The following BMPR1B variants were observed in gnomAD, a reference collection of about 807,000 sequenced individuals.
BMPR1B encodes the protein bone morphogenetic protein receptor type-1B.
Under a neutral mutation model 59.1 loss-of-function variants are expected in BMPR1B, and 12 were observed. The observed-to-expected ratio is 0.20, with a 90% confidence interval of 0.13 to 0.33. The LOEUF (loss-of-function observed/expected upper bound fraction) is 0.33. BMPR1B is among the 10% of genes least tolerant of loss of function. The pLI is 1.00. For synonymous variants in BMPR1B, 237 were observed against 207.3 expected (o/e 1.14, Z -1.23); for missense variants, 550 against 610.9 (o/e 0.90, Z 1.05).
chr4:94,875,328 T>C (rs1417736419), intron 1 of BMPR1B, among the ~76,000 whole-genome samples: 1 of 152,200 alleles, frequency 6.6e-6, no homozygotes, highest in African/African-American at 2.4e-5. Flanking sequence ...TTTAACAGTT[T>C]GAACTGGTTC....
chr4:94,890,766 CTCT>C (rs1727361971), intron 2 of BMPR1B, among the ~76,000 whole-genome samples: 1 of 151,934 alleles, frequency 6.6e-6, no homozygotes, highest in Admixed American at 6.6e-5. Context: ...TCTCTGGTGG[CTCT>C]TCTTGTAAGG....
At chr4:94,880,308 A>G (rs548706400) in intron 2 of BMPR1B, among the ~76,000 whole-genome samples, 4 of 152,210 alleles carry the variant, frequency 2.6e-5, no homozygotes, top group African/African-American at 7.2e-5. Context: ...TTAAAATGAT[A>G]TATTTTTATT....
intron 3 of BMPR1B, among the ~76,000 whole-genome samples, chr4:95,004,613 C>A (rs886648922): frequency 6.6e-6 from 1 of 152,058 alleles, no homozygotes; most frequent in East Asian, 1.9e-4. Context: ...TGAATATTTG[C>A]TTTTTCTCCA....
intron 1 of BMPR1B, among the ~76,000 whole-genome samples, chr4:94,778,861 C>A (rs943973726): frequency 6.6e-6 from 1 of 151,674 alleles, no homozygotes; most frequent in Non-Finnish European, 1.5e-5. Context: ...TTGCTGATTT[C>A]GTATTAGATT....
rs112253431 is a variant in BMPR1B at position 94,882,978 on chromosome 4, A to ATGTGTGTG, written c.-113+7100_-113+7107dup. On this transcript the variant is annotated intron_variant, in intron 2 of 12. Coordinates refer to ENST00000515059, the MANE Select transcript of BMPR1B (RefSeq NM_001203.3). ...CCTGTGTGTGTGTGCGTGTGTGTGT[A>ATGTGTGTG]TGTGTGTGTGTGTGTGTGTGTGTGT... 1.4e-3 allele frequency among the ~76,000 whole-genome samples: 201 copies of ATGTGTGTG among 144,558 alleles called. 1 individual carries two copies. The highest frequency in any genetic ancestry group is 3.2e-3 in the African/African-American group (123 of 37,912). 94.8% of individuals were successfully genotyped at this position (144,558 alleles called of 152,430 possible).
intron 3 of BMPR1B, among the ~76,000 whole-genome samples, chr4:95,058,053 A>G (rs1177952493): frequency 6.6e-6 from 1 of 152,210 alleles, no homozygotes; most frequent in African/African-American, 2.4e-5. Flanking sequence ...TGAAACAAGT[A>G]GTGTAGTGAC....
At chr4:95,046,049 T>A (rs192586181) in intron 3 of BMPR1B, among the ~76,000 whole-genome samples, 33 of 152,262 alleles carry the variant, frequency 2.2e-4, no homozygotes, top group Non-Finnish European at 2.4e-4. Context: ...TTGATTTGAA[T>A]AAATATTTAG....
At chr4:94,969,357 T>TC (rs1730686105) in intron 2 of BMPR1B, among the ~76,000 whole-genome samples, 3 of 152,086 alleles carry the variant, frequency 2.0e-5, no homozygotes, top group Non-Finnish European at 4.4e-5. Context: ...TTCTAAATGG[T>TC]CCGCTGCTTT....
intron 3 of BMPR1B, among the ~76,000 whole-genome samples, chr4:95,073,283 G>T (rs1220336486): frequency 6.6e-6 from 1 of 152,222 alleles, no homozygotes; most frequent in East Asian, 1.9e-4. Flanking sequence ...GCATCTCCCC[G>T]GTTTTGGCAA....
rs371134057 is a variant in BMPR1B, at chr4:94,968,925, A to G, written c.-112-27115A>G. ...CCAACTCTACCCTGTTTCTGCTGCCAGATTTCCGTGATTTTCTATTCACAA... is the reference window on the plus strand; with the variant it reads ...CCAACTCTACCCTGTTTCTGCTGCCGGATTTCCGTGATTTTCTATTCACAA... On this transcript the variant is annotated intron_variant, in intron 2 of 12. Coordinates refer to ENST00000515059, the MANE Select transcript of BMPR1B (RefSeq NM_001203.3). Among the ~76,000 whole-genome samples the G allele has an allele frequency of 2.0e-5, 3 of 152,206 alleles. No homozygotes were observed. The South Asian group carries it at 6.2e-4, about 32-fold the overall frequency.
chr4:94,849,899 C>T (rs1725502341), intron 1 of BMPR1B, among the ~76,000 whole-genome samples: 1 of 151,904 alleles, frequency 6.6e-6, no homozygotes, highest in African/African-American at 2.4e-5. Flanking sequence ...AAGGCTAGTG[C>T]TCGGTGATTT....
At chr4:94,887,638 G>T (rs992466169) in intron 2 of BMPR1B, among the ~76,000 whole-genome samples, 6 of 151,694 alleles carry the variant, frequency 4.0e-5, no homozygotes, top group African/African-American at 1.5e-4. Flanking sequence ...GAACACCCAA[G>T]AGAGAATAGA....
intron 3 of BMPR1B, among the ~76,000 whole-genome samples, chr4:95,070,981 A>T (rs1728236888): frequency 6.6e-6 from 1 of 152,168 alleles, no homozygotes; most frequent in Non-Finnish European, 1.5e-5. Context: ...TTCTTCCTTT[A>T]GTCACCAGAA....
chr4:94,981,096 T>C (rs1207658446), intron 2 of BMPR1B, among the ~76,000 whole-genome samples: 2 of 152,200 alleles, frequency 1.3e-5, no homozygotes, highest in African/African-American at 4.8e-5. Flanking sequence ...AAAATTTGTC[T>C]ACTACCTTGA....
intron 1 of BMPR1B, among the ~76,000 whole-genome samples, chr4:94,820,688 AAAT>A (rs759311815): frequency 8.5e-5 from 13 of 152,236 alleles, no homozygotes; most frequent in Non-Finnish European, 1.5e-4. Flanking sequence ...TGTAAAATAA[AAAT>A]AACGAAGTCA....
At chr4:94,763,655 TTAGA>T (rs375893937) in intron 1 of BMPR1B, among the ~76,000 whole-genome samples, 459 of 152,336 alleles carry the variant, frequency 3.0e-3, no homozygotes, top group Non-Finnish European at 5.1e-3. Context: ...TTTATAGCAG[TTAGA>T]TAGATATGAA....
In BMPR1B at chr4:95,129,850, G is replaced by T. The variant is rs1204548380; in HGVS notation, c.586-12G>T. ...TGTGAATACACTAACAGTGTGTTTT[G>T]GGATTTCACAGGTCCAAAGGACTAT... On this transcript the variant is annotated splice_polypyrimidine_tract_variant and intron_variant, in intron 8 of 12. Coordinates refer to ENST00000515059, the MANE Select transcript of BMPR1B (RefSeq NM_001203.3). 1.2e-6 allele frequency: 2 copies of T among 1,613,156 alleles called. No individual in the cohort carries two copies. Among genetic ancestry groups the T allele is most frequent in the South Asian group, 2.2e-5 (2 of 91,016 alleles).
At chr4:95,118,334 T>C (rs545545812) in intron 6 of BMPR1B, among the ~76,000 whole-genome samples, 1 of 152,272 alleles carries the variant, frequency 6.6e-6, no homozygotes, top group Non-Finnish European at 1.5e-5. Context: ...TTTTTGACTC[T>C]ACCATATACA....
intron 1 of BMPR1B, among the ~76,000 whole-genome samples, chr4:94,874,426 G>A (rs1408229033): frequency 6.6e-6 from 1 of 152,072 alleles, no homozygotes; most frequent in Non-Finnish European, 1.5e-5. Flanking sequence ...ACTGCTCTCA[G>A]TCTTCTCCTT....
Sources: allele counts gnomAD v4.1 joint callset (sites outside exome capture counted in the v4.1 genomes callset), GRCh38; gene constraint gnomAD v4.1.1; transcripts MANE v1.5; gene names NCBI Gene and HGNC (gene_info 2026-07-23, HGNC 2026-07-21).